HSD17B12: variants seen among roughly 807,000 people sequenced by gnomAD.
HSD17B12 encodes very-long-chain 3-oxoacyl-CoA reductase.
In HSD17B12, 32 loss-of-function variants were observed where a neutral mutation model predicts 39.3. That is an observed-to-expected ratio of 0.81 (90% CI 0.61 to 1.09). HSD17B12 has a LOEUF of 1.09. Ranked by LOEUF, HSD17B12 falls within the 50% of genes least tolerant of loss-of-function variation. The pLI is 0.00. For missense variants in HSD17B12, 342 were observed against 382.9 expected (o/e 0.89, Z 0.89); for synonymous variants, 150 against 146.7 (o/e 1.02, Z -0.16).
the HSD17B12 span, among the ~76,000 whole-genome samples, chr11:43,570,809 C>T: frequency 6.6e-6 from 1 of 152,166 alleles, no homozygotes; most frequent in South Asian, 2.1e-4. Flanking sequence ...TTTCTCCCCT[C>T]CCCTTTTCTT....
the HSD17B12 span, among the ~76,000 whole-genome samples, chr11:43,591,004 A>G: frequency 6.6e-6 from 1 of 152,066 alleles, no homozygotes; most frequent in Non-Finnish European, 1.5e-5. Flanking sequence ...TGAATTAGAT[A>G]TAGCCCTCCA....
chr11:43,675,515 A>G, the HSD17B12 span, among the ~76,000 whole-genome samples: 2 of 152,158 alleles, frequency 1.3e-5, no homozygotes, highest in Non-Finnish European at 2.9e-5. Flanking sequence ...CGGAGAGGTC[A>G]GGGCAGACAA....
intron 3 of HSD17B12, among the ~76,000 whole-genome samples, chr11:43,777,066 C>T (rs1203171834): frequency 3.9e-5 from 6 of 151,998 alleles, no homozygotes; most frequent in African/African-American, 1.2e-4. Flanking sequence ...TTCTTTTGGC[C>T]TAGGATTGAC....
intron 1 of HSD17B12, among the ~76,000 whole-genome samples, chr11:43,725,844 A>G (rs984617742): frequency 6.6e-6 from 1 of 152,186 alleles, no homozygotes; most frequent in African/African-American, 2.4e-5. Context: ...GGTGAGAGAA[A>G]GACACAACAG....
intron 10 of HSD17B12, 66 bp downstream of exon 10, chr11:43,854,930 C>G: frequency 6.6e-7 from 1 of 1,517,278 alleles, no homozygotes; most frequent in Non-Finnish European, 9.1e-7. Flanking sequence ...CATTGAGTTA[C>G]AGGATAGTAT....
At chr11:43,577,910 C>T in the HSD17B12 span, among the ~76,000 whole-genome samples, 1 of 152,230 alleles carries the variant, frequency 6.6e-6, no homozygotes, top group Non-Finnish European at 1.5e-5. Flanking sequence ...ATACCATCAG[C>T]TCTCTGGGGT....
intron 6 of HSD17B12, among the ~76,000 whole-genome samples, chr11:43,818,007 T>C (rs1281708664): frequency 6.6e-6 from 1 of 152,204 alleles, no homozygotes; most frequent in Non-Finnish European, 1.5e-5. Flanking sequence ...GTTTATGTCA[T>C]CTATGATTCC....
At chr11:43,616,797 T>TAAAAA in the HSD17B12 span, among the ~76,000 whole-genome samples, 4 of 59,724 alleles carry the variant, frequency 6.7e-5, no homozygotes, top group East Asian at 4.5e-4. Flanking sequence ...GTGCCCAAAC[T>TAAAAA]AAAAAAAAAA....
chr11:43,700,494 C>T (rs893568089), intron 1 of HSD17B12, among the ~76,000 whole-genome samples: 4 of 152,078 alleles, frequency 2.6e-5, no homozygotes, highest in African/African-American at 9.7e-5. Context: ...CCCCCCACTA[C>T]CCTTCCTAGC....
the HSD17B12 span, chr11:43,670,569 C>A: frequency 6.6e-6 from 1 of 152,152 alleles, no homozygotes; most frequent in South Asian, 2.1e-4. Context: ...TTCATCTAAT[C>A]TTTTGTATAC....
the HSD17B12 span, among the ~76,000 whole-genome samples, chr11:43,568,176 T>G: frequency 6.6e-6 from 1 of 152,148 alleles, no homozygotes; most frequent in Non-Finnish European, 1.5e-5. Flanking sequence ...CTTGGCTCAC[T>G]GCAACCTCCA....
chr11:43,731,260 G>C (rs1950264838), intron 1 of HSD17B12, among the ~76,000 whole-genome samples: 1 of 152,206 alleles, frequency 6.6e-6, no homozygotes, highest in Non-Finnish European at 1.5e-5. Flanking sequence ...GCCTCCCAAA[G>C]TGCTGGGATT....
At chr11:43,568,294 G>A in the HSD17B12 span, among the ~76,000 whole-genome samples, 14 of 152,148 alleles carry the variant, frequency 9.2e-5, no homozygotes, top group African/African-American at 3.4e-4. Context: ...GTAGAGAAAG[G>A]GTTTCACCAT....
chr11:43,635,827 A>T, the HSD17B12 span, among the ~76,000 whole-genome samples: 1 of 140,880 alleles, frequency 7.1e-6, no homozygotes, highest in Non-Finnish European at 1.5e-5. Flanking sequence ...TTATGACTAT[A>T]GTAGCTATGT....
In HSD17B12 at chr11:43,815,511, T is replaced by C. The variant is rs745733005; in HGVS notation, c.456+10T>C. 6.6e-7 allele frequency: 1 copy of C among 1,521,132 alleles called. No individual in the cohort carries two copies. The highest frequency in any genetic ancestry group is 1.2e-5 in the South Asian group (1 of 81,400). 94.2% of individuals were successfully genotyped at this position (1,521,132 alleles called of 1,614,324 possible). A position where few individuals can be genotyped will look rare whatever the true frequency, so the allele number is the denominator to read the frequency against. On this transcript the variant is annotated intron_variant, in intron 5 of 10. Transcript: ENST00000278353. The stretch of plus-strand genomic sequence containing the variant: ...TCCTGACTTGGACAATGTAAGTCTT[T>C]CTTTGTGTATTATGGTAACAAAAAT...
the HSD17B12 span, among the ~76,000 whole-genome samples, chr11:43,630,977 G>T: frequency 1.4e-4 from 22 of 151,994 alleles, no homozygotes; most frequent in Non-Finnish European, 2.8e-4. Context: ...GCCCATTTTG[G>T]TATTTTTAGT....
the HSD17B12 span, among the ~76,000 whole-genome samples, chr11:43,622,111 C>T: frequency 6.6e-6 from 1 of 152,184 alleles, no homozygotes; most frequent in African/African-American, 2.4e-5. Flanking sequence ...AAAGGGTTTG[C>T]ACCCTAAACG....
the HSD17B12 span, among the ~76,000 whole-genome samples, chr11:43,641,822 T>C: frequency 3.9e-5 from 6 of 151,954 alleles, no homozygotes; most frequent in African/African-American, 1.4e-4. Flanking sequence ...ATCAGATTTT[T>C]AAAAGCAGAT....
At chr11:43,818,506 G>A (rs1951151422) in intron 6 of HSD17B12, among the ~76,000 whole-genome samples, 1 of 152,120 alleles carries the variant, frequency 6.6e-6, no homozygotes, top group South Asian at 2.1e-4. Flanking sequence ...ATTGCCTGAG[G>A]CAGAATTCTC....
Sources: gnomAD v4.1 joint callset for allele counts (sites outside exome capture counted in the v4.1 genomes callset) on GRCh38, gnomAD v4.1.1 for gene constraint, MANE v1.5 for transcripts, NCBI Gene and HGNC (gene_info 2026-07-23, HGNC 2026-07-21) for gene names.